The following CCDC169 variants were observed in gnomAD, a reference collection of about 807,000 sequenced individuals.
CCDC169 encodes coiled-coil domain containing 169, also known as coiled-coil domain-containing protein 169.
A neutral mutation model predicts 36.0 loss-of-function variants in CCDC169; 30 were observed. The ratio of observed to expected loss-of-function variants is 0.83; its 90% CI spans 0.62 to 1.13. CCDC169 has a LOEUF of 1.13. CCDC169 is among the 50% of genes most tolerant of loss of function. The pLI, the probability that CCDC169 is intolerant of heterozygous loss-of-function variation, is 0.00. For missense variants in CCDC169, 245 were observed against 245.9 expected, an observed-to-expected ratio of 1.00 and a Z score of 0.03; for synonymous variants, 85 against 81.5, an observed-to-expected ratio of 1.04 and a Z score of -0.23.
intron 7 of CCDC169, among the ~76,000 whole-genome samples, chr13:36,237,022 A>G (rs1188517761): frequency 6.6e-6 from 1 of 152,012 alleles, no homozygotes; most frequent in Non-Finnish European, 1.5e-5. Context: ...TGCTATATAA[A>G]TAGATGTTAT....
rs1877826633 is a variant in CCDC169 at position 36,283,714 on chromosome 13, C to T, written c.164-12G>A. Reference sequence around the variant, plus strand: ...TTTCCATTCACTACCTGAGTAAAAACAGGGAGAAACAATCAAGATCACCCC... The same window carrying T: ...TTTCCATTCACTACCTGAGTAAAAATAGGGAGAAACAATCAAGATCACCCC... On this transcript the variant is annotated splice_polypyrimidine_tract_variant and intron_variant, in intron 2 of 7. Coordinates refer to ENST00000239859, the MANE Select transcript of CCDC169 (RefSeq NM_001144981.3). 1 of 1,533,260 alleles carries T rather than the reference C, an allele frequency of 6.5e-7. No individual in the cohort carries two copies. 95.0% of individuals were successfully genotyped at this position (1,533,260 alleles called of 1,614,324 possible). A position where few individuals can be genotyped will look rare whatever the true frequency, so the allele number is the denominator to read the frequency against.
At chr13:36,225,327 C>T (rs1416395943), downstream of CCDC169, 3 of 152,356 alleles carry the variant, frequency 2.0e-5, no homozygotes, top group Non-Finnish European at 4.4e-5. Context: ...ACCTCAGCCT[C>T]CCAAGCAGCT....
At chr13:36,227,667 C>G (rs541650542), downstream of CCDC169, among the ~76,000 whole-genome samples, 1 of 152,240 alleles carries the variant, frequency 6.6e-6, no homozygotes, top group South Asian at 2.1e-4. Context: ...AACAACTTTA[C>G]TGAGGTATAA....
intron 4 of CCDC169, among the ~76,000 whole-genome samples, chr13:36,268,913 C>T (rs372033258): frequency 2.4e-4 from 36 of 151,912 alleles, no homozygotes; most frequent in African/African-American, 6.8e-4. Flanking sequence ...AAGATCAGCC[C>T]GGCCAGTATG....
At chr13:36,247,397 T>C (rs1566065154) in intron 7 of CCDC169, among the ~76,000 whole-genome samples, 1 of 152,206 alleles carries the variant, frequency 6.6e-6, no homozygotes, top group Non-Finnish European at 1.5e-5. Context: ...CTGCCATAGA[T>C]AGTGATTCCT....
At chr13:36,262,889 G>A (rs984430959) in intron 4 of CCDC169, among the ~76,000 whole-genome samples, 2 of 152,074 alleles carry the variant, frequency 1.3e-5, no homozygotes, top group Non-Finnish European at 2.9e-5. Flanking sequence ...ATGAGCTCTG[G>A]GGACATATAA....
intron 7 of CCDC169, among the ~76,000 whole-genome samples, chr13:36,235,172 T>G (rs1212326775): frequency 6.6e-6 from 1 of 152,000 alleles, no homozygotes; most frequent in Non-Finnish European, 1.5e-5. Context: ...AATTAATATC[T>G]TAATTGTAAT....
intron 4 of CCDC169, among the ~76,000 whole-genome samples, chr13:36,279,006 G>C (rs962484919): frequency 5.3e-5 from 8 of 152,068 alleles, no homozygotes; most frequent in African/African-American, 1.9e-4. Context: ...TTCTCTTGCA[G>C]TCTTACCCAA....
chr13:36,245,196 A>G (rs1872353860), intron 7 of CCDC169, among the ~76,000 whole-genome samples: 1 of 152,210 alleles, frequency 6.6e-6, no homozygotes, highest in Non-Finnish European at 1.5e-5. Context: ...GGATAAAGTT[A>G]CTCAGACAAG....
chr13:36,241,240 C>G (rs551446724), intron 7 of CCDC169, among the ~76,000 whole-genome samples: 130 of 152,176 alleles, frequency 8.5e-4, no homozygotes, highest in Middle Eastern at 6.8e-3. Flanking sequence ...CCAAAGCAAA[C>G]ATTAAAAGCC....
intron 4 of CCDC169, among the ~76,000 whole-genome samples, chr13:36,272,866 G>A (rs1470744846): frequency 1.3e-5 from 2 of 152,130 alleles, no homozygotes; most frequent in African/African-American, 4.8e-5. Flanking sequence ...CAGCTGCGTG[G>A]GATGGCAGAG....
intron 6 of CCDC169, among the ~76,000 whole-genome samples, chr13:36,250,953 C>A (rs1329611673): frequency 6.6e-6 from 1 of 152,208 alleles, no homozygotes; most frequent in Non-Finnish European, 1.5e-5. Flanking sequence ...TCTCTCAGAG[C>A]CATTGCTAAA....
chr13:36,294,167 T>C (rs1879216954), intron 2 of CCDC169, among the ~76,000 whole-genome samples: 1 of 152,188 alleles, frequency 6.6e-6, no homozygotes, highest in Admixed American at 6.5e-5. Context: ...AGGAAAGAAC[T>C]TTCTCTCCTA....
intron 4 of CCDC169, among the ~76,000 whole-genome samples, chr13:36,271,781 G>C (rs1876097971): frequency 6.6e-6 from 1 of 151,726 alleles, no homozygotes; most frequent in South Asian, 2.1e-4. Context: ...GGAAGGAAGG[G>C]ATAAAAAAAC....
chr13:36,255,071 G>T (rs1873685866), intron 4 of CCDC169, among the ~76,000 whole-genome samples: 2 of 152,180 alleles, frequency 1.3e-5, no homozygotes, highest in South Asian at 2.1e-4. Flanking sequence ...AGTGGACATG[G>T]CGGTCATCCA....
chr13:36,262,551 A>G (rs942408559), intron 4 of CCDC169, among the ~76,000 whole-genome samples: 1 of 152,232 alleles, frequency 6.6e-6, no homozygotes, highest in Non-Finnish European at 1.5e-5. Flanking sequence ...TGCTTCAAAT[A>G]TGCTTTTAAT....
At chr13:36,280,103 G>A (rs1877318083) in intron 4 of CCDC169, 1 of 151,942 alleles carries the variant, frequency 6.6e-6, no homozygotes. Flanking sequence ...TAAATAATGA[G>A]TAAAAGAATG....
intron 4 of CCDC169, among the ~76,000 whole-genome samples, chr13:36,259,027 G>A (rs1874277962): frequency 6.6e-6 from 1 of 152,154 alleles, no homozygotes; most frequent in Non-Finnish European, 1.5e-5. Context: ...GCTCCCTGCA[G>A]GCACATCTAG....
At chr13:36,239,938 C>T (rs960371332) in intron 7 of CCDC169, among the ~76,000 whole-genome samples, 5 of 152,252 alleles carry the variant, frequency 3.3e-5, no homozygotes, top group Non-Finnish European at 2.9e-5. Flanking sequence ...ACTTTTATTA[C>T]AGTATGCTGT....
Sources: gnomAD v4.1 joint callset for allele counts (sites outside exome capture counted in the v4.1 genomes callset) on GRCh38, gnomAD v4.1.1 for gene constraint, MANE v1.5 for transcripts, NCBI Gene and HGNC (gene_info 2026-07-23, HGNC 2026-07-21) for gene names.